The following COL5A3 variants were observed in gnomAD, a reference collection of about 807,000 sequenced individuals.
COL5A3 encodes the protein collagen type V alpha 3 chain.
Under a neutral mutation model 250.0 loss-of-function variants are expected in COL5A3, and 172 were observed. The observed-to-expected ratio is 0.69, with a 90% CI of 0.61 to 0.78. COL5A3 has a LOEUF of 0.78. Among genes scored for constraint, COL5A3 ranks in the 30% least tolerant of loss-of-function variants. The probability of loss-of-function intolerance (pLI) is 0.00; values close to 1 mark genes in which losing one functional copy is unlikely to be tolerated. For missense variants in COL5A3, 2,340 were observed against 2,334.4 expected, an observed-to-expected ratio of 1.00 and a Z score of -0.05; for synonymous variants, 937 against 900.4, an observed-to-expected ratio of 1.04 and a Z score of -0.73.
In COL5A3 at chr19:10,001,774, G is replaced by A. The variant is rs781327554; in HGVS notation, c.957C>T (p.Ile319=). ...STVTTGLNAT[I]LERSLDPDSG... ...TCTTCCATCCCCATCCAACCTCTAG[G>A]ATCGTGGCATTGAGTCCAGTAGTCA... Residue 319 remains isoleucine, a synonymous_variant, in exon 7 of 67, where the codon ATC becomes ATT. Transcript: ENST00000264828. The A allele has an allele frequency of 6.2e-7, 1 of 1,614,014 alleles. No individual in the cohort carries two copies. Among genetic ancestry groups the A allele is most frequent in the Non-Finnish European group, 8.5e-7 (1 of 1,179,904 alleles).
At chr19:9,987,540 C>T (rs549336219) in intron 27 of COL5A3, among the ~76,000 whole-genome samples, 1 of 151,940 alleles carries the variant, frequency 6.6e-6, no homozygotes, top group African/African-American at 2.4e-5. Context: ...AGTTCCAGAC[C>T]AGCCTGGGCA....
chr19:9,967,135 C>A (rs952723327), intron 62 of COL5A3, among the ~76,000 whole-genome samples: 3 of 152,082 alleles, frequency 2.0e-5, no homozygotes, highest in African/African-American at 7.2e-5. Context: ...CAGGTCAGAG[C>A]CCCCATGGGT....
chr19:9,978,670 G>A (rs1286060119), intron 40 of COL5A3, 43 bp from the exon 41 acceptor site: 1 of 1,343,860 alleles, frequency 7.4e-7, no homozygotes, highest in East Asian at 2.5e-5. Context: ...TCCCAAAGGT[G>A]TCCCCAGGTC....
chr19:9,987,772 A>C (rs908802127), intron 27 of COL5A3, among the ~76,000 whole-genome samples: 1 of 151,814 alleles, frequency 6.6e-6, no homozygotes, highest in Non-Finnish European at 1.5e-5. Flanking sequence ...TAATAATAAT[A>C]ATCAAATGAA....
intron 4 of COL5A3, 50 bp from the exon 5 acceptor site, chr19:10,004,195 G>T: frequency 1.4e-6 from 2 of 1,405,402 alleles, no homozygotes; most frequent in Non-Finnish European, 2.0e-6. Flanking sequence ...ACAGCCATAG[G>T]CTTACTCTGA....
At chr19:9,960,976 G>A in intron 65 of COL5A3, 86 bp from the exon 66 acceptor site, 1 of 1,519,184 alleles carries the variant, frequency 6.6e-7, no homozygotes, top group Non-Finnish European at 8.9e-7. Context: ...CCATCCACTG[G>A]CAGACAAGCC....
At chr19:9,983,586 A>G (rs1190751310) in intron 31 of COL5A3, among the ~76,000 whole-genome samples, 12 of 86,314 alleles carry the variant, frequency 1.4e-4, no homozygotes, top group East Asian at 3.5e-4. Context: ...GAAAGAAAGA[A>G]AGAAAGAAAG....
Position 10,005,596 on chromosome 19 carries a change from C to T in COL5A3, c.556G>A (p.Val186Met), listed in dbSNP as rs2145145930. ...PRFISIAGLT[V>M]LGTQDLGEKT... The stretch of plus-strand genomic sequence containing the variant: ...TCCCCAAGGTCCTGGGTCCCCAGCA[C>T]AGTGAGTCCAGCTATGCTGATGAAG... Residue 186 changes from valine to methionine, a missense_variant, in exon 4 of 67, where the codon GTG becomes ATG. Val to Met is a conservative substitution (Grantham distance 21). Coordinates refer to ENST00000264828, the MANE Select transcript of COL5A3 (RefSeq NM_015719.4). 3 of 1,614,220 alleles carry T rather than the reference C, an allele frequency of 1.9e-6. No individual in the cohort carries two copies. The highest frequency in any genetic ancestry group is 2.5e-6 in the Non-Finnish European group (3 of 1,180,028).
At chr19:9,995,895 C>T (rs1290093973) in intron 15 of COL5A3, 171 bp downstream of exon 15, 9 of 708,954 alleles carry the variant, frequency 1.3e-5, no homozygotes, top group Admixed American at 5.4e-5. Context: ...CCTCCCACCT[C>T]GGCCTCCCAA....
At chr19:9,987,508 T>A (rs1033645303) in intron 27 of COL5A3, among the ~76,000 whole-genome samples, 2 of 151,996 alleles carry the variant, frequency 1.3e-5, no homozygotes, top group African/African-American at 2.4e-5. Flanking sequence ...AGGCAGAGGC[T>A]GGAGGATTGC....
intron 31 of COL5A3, among the ~76,000 whole-genome samples, chr19:9,984,883 T>C (rs1177224477): frequency 6.6e-6 from 1 of 151,518 alleles, no homozygotes; most frequent in African/African-American, 2.4e-5. Flanking sequence ...CTCAATCTCC[T>C]TGGGCTCAGG....
intron 64 of COL5A3, 130 bp downstream of exon 64, chr19:9,966,184 T>G: frequency 1.4e-6 from 1 of 720,404 alleles, no homozygotes; most frequent in South Asian, 1.9e-5. Context: ...GAGGCAGGAC[T>G]TGGCATACAG....
At chr19:10,007,363 C>A (rs1487553118) in intron 1 of COL5A3, among the ~76,000 whole-genome samples, 1 of 152,224 alleles carries the variant, frequency 6.6e-6, no homozygotes, top group Non-Finnish European at 1.5e-5. Flanking sequence ...TCTCCGATAA[C>A]CTCCAGACCT....
Position 9,968,604 on chromosome 19 carries a change from A to C in COL5A3, c.4206+71T>G. The C allele has an allele frequency of 6.3e-7, 1 of 1,576,304 alleles. No homozygotes were observed. The highest frequency in any genetic ancestry group is 8.7e-7 in the Non-Finnish European group (1 of 1,148,286). On this transcript the variant is annotated intron_variant, in intron 58 of 66. Transcript: ENST00000264828. This position sits in a 1 kb window ranked among gnomAD's most constrained non-coding sequence, Gnocchi z 4.1. ...GGAGCAGAGGATGCACCAATCTCCCAGCCCCCCAGCCAGGGAGGGAGGGAA... is the reference window on the plus strand; with the variant it reads ...GGAGCAGAGGATGCACCAATCTCCCCGCCCCCCAGCCAGGGAGGGAGGGAA...
intron 24 of COL5A3, among the ~76,000 whole-genome samples, chr19:9,990,392 C>CAAAAAA (rs879496349): frequency 0.041 from 3,363 of 81,376 alleles, 123 homozygotes; most frequent in East Asian, 0.26. Flanking sequence ...GAAATTCTGT[C>CAAAAAA]AAAAAAAAAA....
rs764262719 is a variant in COL5A3 at position 10,008,162 on chromosome 19, G to A, written c.89-1931C>T. 5.3e-5 allele frequency among the ~76,000 whole-genome samples: 8 copies of A among 152,078 alleles called. No individual in the cohort carries two copies. In the East Asian group the frequency reaches 1.4e-3, roughly 26 times the overall value. ...CATCCCAGCTGCCCCATCTCAGCCT[G>A]GGGCCCAGGGCAGGATTGAGACCGA... On this transcript the variant is annotated intron_variant, in intron 1 of 66. Coordinates refer to ENST00000264828, the MANE Select transcript of COL5A3 (RefSeq NM_015719.4).
intron 45 of COL5A3, among the ~76,000 whole-genome samples, chr19:9,974,620 G>A (rs906433170): frequency 3.9e-5 from 6 of 152,096 alleles, no homozygotes; most frequent in African/African-American, 9.7e-5. Context: ...ACAGTGAGTC[G>A]GATTTGCAGT....
intron 35 of COL5A3, 24 bp downstream of exon 35, chr19:9,980,624 A>ATT: frequency 1.3e-6 from 2 of 1,561,260 alleles, no homozygotes; most frequent in African/African-American, 1.4e-5. Flanking sequence ...ACATTCACAC[A>ATT]CACACACACA....
chr19:9,997,956 G>A (rs527536492), intron 10 of COL5A3, 28 bp downstream of exon 10: 3 of 1,613,470 alleles, frequency 1.9e-6, no homozygotes, highest in Admixed American at 1.7e-5. Flanking sequence ...GGGAAAGACT[G>A]GAAGAAGGAA....
Sources: allele counts gnomAD v4.1 joint callset (sites outside exome capture counted in the v4.1 genomes callset), GRCh38; gene constraint gnomAD v4.1.1; non-coding constraint Gnocchi (gnomAD v3.1); transcripts MANE v1.5; gene names NCBI Gene and HGNC (gene_info 2026-07-23, HGNC 2026-07-21).